ZNF141: variants seen among roughly 807,000 people sequenced by gnomAD.
ZNF141 encodes zinc finger protein 141.
Under a neutral mutation model 11.3 loss-of-function variants are expected in ZNF141, and 7 were observed. That is an observed-to-expected ratio of 0.62 (90% CI 0.35 to 1.16). ZNF141 has a LOEUF of 1.16. Ranked by LOEUF, ZNF141 falls within the 50% of genes most tolerant of loss-of-function variation. The pLI, the probability that ZNF141 is intolerant of heterozygous loss-of-function variation, is 0.02. For missense variants in ZNF141, 535 were observed against 554.0 expected (o/e 0.97, Z 0.34); for synonymous variants, 183 against 190.7 (o/e 0.96, Z 0.33).
At chr4:345,774 T>C (rs1721294244) in intron 3 of ZNF141, among the ~76,000 whole-genome samples, 3 of 149,546 alleles carry the variant, frequency 2.0e-5, no homozygotes, top group African/African-American at 7.4e-5. Context: ...TTTTGTGATA[T>C]CCTCCACCAC....
intron 1 of ZNF141, among the ~76,000 whole-genome samples, chr4:340,315 ATCTC>A (rs781903707): frequency 4.0e-4 from 61 of 152,378 alleles, no homozygotes; most frequent in Admixed American, 1.8e-3. Context: ...AAACAAAATG[ATCTC>A]TCTATTTGGG....
Position 375,914 on chromosome 4 carries a change from G to A in ZNF141, c.*2052G>A, listed in dbSNP as rs956918082. Among the ~76,000 whole-genome samples the A allele has an allele frequency of 6.6e-6, 1 of 151,960 alleles. No individual in the cohort carries two copies. ...GAAAATCTAGCAGAGAGGCTTTTTT[G>A]TAGTTGACAATATTGAGTGATGCAT... On this transcript the variant is annotated 3_prime_UTR_variant, in exon 4 of 4. Coordinates refer to ENST00000240499, the MANE Select transcript of ZNF141 (RefSeq NM_003441.4).
At chr4:341,206 G>T (rs782474637) in intron 1 of ZNF141, among the ~76,000 whole-genome samples, 3 of 151,914 alleles carry the variant, frequency 2.0e-5, no homozygotes, top group Non-Finnish European at 2.9e-5. Flanking sequence ...GATTACAGGC[G>T]CACGCCACCA....
At chr4:358,499 A>G (rs1420471540) in intron 3 of ZNF141, 2 of 173,028 alleles carry the variant, frequency 1.2e-5, no homozygotes, top group African/African-American at 2.4e-5. Context: ...CTTCTTTTTT[A>G]TAACTCATTT....
intron 3 of ZNF141, among the ~76,000 whole-genome samples, chr4:354,440 A>C (rs745670189): frequency 6.6e-6 from 1 of 152,254 alleles, no homozygotes. Context: ...CTTAATCCTC[A>C]CATTGGAAAA....
intron 3 of ZNF141, among the ~76,000 whole-genome samples, chr4:367,912 G>C (rs1711828076): frequency 1.3e-5 from 2 of 152,086 alleles, no homozygotes; most frequent in Non-Finnish European, 2.9e-5. Context: ...GTATACACGT[G>C]CCATAAATAC....
Position 374,304 on chromosome 4 carries a change from G to T in ZNF141, c.*442G>T. 3.3e-6 allele frequency: 1 copy of T among 304,086 alleles called. No individual in the cohort carries two copies. The highest frequency in any genetic ancestry group is 6.6e-6 in the Non-Finnish European group (1 of 151,898). 18.8% of individuals were successfully genotyped at this position (304,086 alleles called of 1,614,324 possible). On this transcript the variant is annotated 3_prime_UTR_variant, in exon 4 of 4. Coordinates refer to ENST00000240499, the MANE Select transcript of ZNF141 (RefSeq NM_003441.4). Reference sequence around the variant, plus strand: ...GAGAAACTTCACATGTGAACCGTGTGGCAAAGCCTTTAAATGGTCCTCAAC... The same window carrying T: ...GAGAAACTTCACATGTGAACCGTGTTGCAAAGCCTTTAAATGGTCCTCAAC...
intron 3 of ZNF141, among the ~76,000 whole-genome samples, chr4:347,775 G>A (rs1166662993): frequency 4.8e-5 from 7 of 146,986 alleles, no homozygotes; most frequent in African/African-American, 1.5e-4. Flanking sequence ...GCCTATTTTC[G>A]AATGGGTTAT....
chr4:379,398 C>T lies in ZNF141; in HGVS notation c.*5536C>T, dbSNP rs1379199263. Among the ~76,000 whole-genome samples, 7 of 151,808 alleles carry T rather than the reference C, an allele frequency of 4.6e-5. No homozygotes were observed. The highest frequency in any genetic ancestry group is 2.1e-4 in the South Asian group (1 of 4,814). On this transcript the variant is annotated 3_prime_UTR_variant, in exon 4 of 4. Coordinates refer to ENST00000240499, the MANE Select transcript of ZNF141 (RefSeq NM_003441.4). ...TTTCTTCTTTATTTTATTTTTGAGA[C>T]GGAGTCTCGCTCTGTCGCCAGGCTG...
At chr4:357,775 T>C (rs1041615875) in intron 3 of ZNF141, among the ~76,000 whole-genome samples, 2 of 151,124 alleles carry the variant, frequency 1.3e-5, no homozygotes, top group South Asian at 2.1e-4. Flanking sequence ...GGCACGATCT[T>C]GGCTCACTGC....
chr4:338,743 G>A (rs1403204838), intron 1 of ZNF141, among the ~76,000 whole-genome samples: 1 of 152,254 alleles, frequency 6.6e-6, no homozygotes, highest in East Asian at 1.9e-4. Context: ...GCTGCGGGAA[G>A]AGCGCTGAGC....
rs559172952 is a variant in ZNF141 at position 384,311 on chromosome 4, A to T, written c.*10449A>T. On this transcript the variant is annotated 3_prime_UTR_variant, in exon 4 of 4. Coordinates refer to ENST00000240499, the MANE Select transcript of ZNF141 (RefSeq NM_003441.4). ...GTGGACCCATCATTCCTTGTTTACC[A>T]TCTGATATTTGAAAAGAAGAGGAAC... The T allele has an allele frequency of 1.3e-5, 2 of 152,378 alleles. No individual in the cohort carries two copies. The highest frequency in any genetic ancestry group is 3.9e-4 in the East Asian group (2 of 5,184). The allele number at this position is 152,378 out of a possible 1,614,324, so 9.4% of individuals were successfully genotyped here. A position where few individuals can be genotyped will look rare whatever the true frequency, so the allele number is the denominator to read the frequency against.
At chr4:338,286 G>C in intron 1 of ZNF141, 1 of 381,622 alleles carries the variant, frequency 2.6e-6, no homozygotes. Context: ...GGCGTGGGAG[G>C]AGCTGTGGGA....
At chr4:352,464 C>T (rs1427302679) in intron 3 of ZNF141, among the ~76,000 whole-genome samples, 1 of 152,102 alleles carries the variant, frequency 6.6e-6, no homozygotes, top group Non-Finnish European at 1.5e-5. Context: ...GAGAATGTTT[C>T]ACCCTGAAGT....
In ZNF141 at chr4:373,524, G is replaced by A. The variant is rs781994170; in HGVS notation, c.1087G>A (p.Gly363Arg). Residue 363 changes from glycine (G) to arginine (R), a missense_variant, in exon 4 of 4, where the codon GGA becomes AGA. Transcript: ENST00000240499. Reference sequence around the variant, plus strand: ...GAATGAACATAAGAAAGTTCATACTGGAGAGCGGCCCTACAAATGTGATGA... The same window carrying A: ...GAATGAACATAAGAAAGTTCATACTAGAGAGCGGCCCTACAAATGTGATGA... ...KLNEHKKVHT[G>R]ERPYKCDECG... The A allele has an allele frequency of 1.2e-6, 2 of 1,613,958 alleles. No individual in the cohort carries two copies. The highest frequency in any genetic ancestry group is 1.7e-5 in the Admixed American group (1 of 59,996).
intron 3 of ZNF141, among the ~76,000 whole-genome samples, chr4:370,033 G>A (rs1218341882): frequency 4.0e-5 from 6 of 151,634 alleles, no homozygotes; most frequent in Middle Eastern, 3.4e-3. Flanking sequence ...TCAAAGTGCT[G>A]GGATCACAGG....
Position 374,251 on chromosome 4 carries a change from A to G in ZNF141, c.*389A>G, listed in dbSNP as rs998297078. Reference sequence around the variant, plus strand: ...TGGCAAAGCATTTAATTGGTCCTCAATGCTTAATAAATATAATTCATGCTG... The same window carrying G: ...TGGCAAAGCATTTAATTGGTCCTCAGTGCTTAATAAATATAATTCATGCTG... On this transcript the variant is annotated 3_prime_UTR_variant, in exon 4 of 4. Transcript: ENST00000240499. 1.2e-4 allele frequency: 38 copies of G among 308,448 alleles called. No individual in the cohort carries two copies. Among genetic ancestry groups the G allele is most frequent in the African/African-American group, 5.5e-4 (25 of 45,814 alleles). 19.1% of individuals were successfully genotyped at this position (308,448 alleles called of 1,614,324 possible).
intron 2 of ZNF141, 52 bp downstream of exon 2, chr4:343,960 A>G (rs782199804): frequency 6.4e-7 from 1 of 1,564,360 alleles, no homozygotes; most frequent in Non-Finnish European, 8.6e-7. Flanking sequence ...GCTTTATTTT[A>G]TTCCTTTGAA....
chr4:345,950 A>T (rs1370857568), intron 3 of ZNF141, among the ~76,000 whole-genome samples: 1 of 152,124 alleles, frequency 6.6e-6, no homozygotes. Flanking sequence ...TAAGCTCTCA[A>T]TTGTTCTCTT....
Sources: gnomAD v4.1 joint callset for allele counts (sites outside exome capture counted in the v4.1 genomes callset) on GRCh38, gnomAD v4.1.1 for gene constraint, MANE v1.5 for transcripts, NCBI Gene and HGNC (gene_info 2026-07-23, HGNC 2026-07-21) for gene names.